GPC6: variants seen among roughly 807,000 people sequenced by gnomAD.
GPC6 encodes glypican-6.
GPC6 carries 14 observed loss-of-function variants against 55.2 expected under a neutral mutation model. That is an observed-to-expected ratio of 0.25 (90% CI 0.17 to 0.40). GPC6 has a LOEUF of 0.40. GPC6 is among the 10% of genes least tolerant of loss of function. GPC6 has a pLI of 1.00. For synonymous variants in GPC6, 278 were observed against 259.6 expected (o/e 1.07, Z -0.68); for missense variants, 641 against 708.5 (o/e 0.90, Z 1.08).
chr13:93,845,195 A>C (rs568578939), intron 3 of GPC6, among the ~76,000 whole-genome samples: 58 of 152,116 alleles, frequency 3.8e-4, no homozygotes, highest in African/African-American at 1.3e-3. Flanking sequence ...CACTTCTCAA[A>C]AGAAGACATT....
rs527826007 is a variant in GPC6, at chr13:94,077,244, G to A, written c.877+49350G>A. ...AGTATTTTATTTTTTTGATGCTATTGTTAATGGGATTACTTCTTAATGTTT... is the reference window on the plus strand; with the variant it reads ...AGTATTTTATTTTTTTGATGCTATTATTAATGGGATTACTTCTTAATGTTT... On this transcript the variant is annotated intron_variant, in intron 4 of 8. Transcript: ENST00000377047. Among the ~76,000 whole-genome samples the A allele has an allele frequency of 6.6e-5, 10 of 151,634 alleles. No individual in the cohort carries two copies. In the South Asian group the frequency reaches 1.9e-3, roughly 28 times the overall value.
intron 1 of GPC6, among the ~76,000 whole-genome samples, chr13:93,422,496 C>T (rs1330018211): frequency 1.3e-5 from 2 of 152,182 alleles, no homozygotes; most frequent in Admixed American, 6.6e-5. Context: ...ATTTTAAGAG[C>T]TAAAATAATA....
At chr13:94,149,844 G>A (rs749858640) in intron 4 of GPC6, among the ~76,000 whole-genome samples, 4 of 151,832 alleles carry the variant, frequency 2.6e-5, no homozygotes, top group Admixed American at 6.6e-5. Context: ...CACACACTTC[G>A]CACGTTCTAT....
intron 2 of GPC6, among the ~76,000 whole-genome samples, chr13:93,787,251 C>G (rs566505663): frequency 2.6e-5 from 4 of 152,312 alleles, no homozygotes; most frequent in African/African-American, 9.6e-5. Flanking sequence ...TTCCGTATGA[C>G]AGGGGTTGGC....
intron 4 of GPC6, among the ~76,000 whole-genome samples, chr13:94,108,998 T>G (rs548575262): frequency 6.6e-6 from 1 of 152,282 alleles, no homozygotes; most frequent in South Asian, 2.1e-4. Flanking sequence ...TCTGCCCGAG[T>G]TTTATTTTTC....
At chr13:93,910,275 C>A (rs933804570) in intron 3 of GPC6, among the ~76,000 whole-genome samples, 1 of 152,132 alleles carries the variant, frequency 6.6e-6, no homozygotes, top group Non-Finnish European at 1.5e-5. Flanking sequence ...TTTCCCTGCA[C>A]CAGCTATCTT....
intron 3 of GPC6, among the ~76,000 whole-genome samples, chr13:93,967,979 C>T (rs1054499038): frequency 6.6e-6 from 1 of 152,092 alleles, no homozygotes; most frequent in Non-Finnish European, 1.5e-5. Flanking sequence ...AATTAAATGT[C>T]ACCTTTTAAG....
intron 1 of GPC6, among the ~76,000 whole-genome samples, chr13:93,477,290 A>G (rs538896814): frequency 1.3e-5 from 2 of 152,322 alleles, no homozygotes; most frequent in African/African-American, 4.8e-5. Context: ...ATTTTTGTAA[A>G]TTCAAATTGT....
intron 1 of GPC6, among the ~76,000 whole-genome samples, chr13:93,539,894 T>A (rs895576573): frequency 6.6e-6 from 1 of 152,102 alleles, no homozygotes; most frequent in Non-Finnish European, 1.5e-5. Context: ...TTTCTCCATG[T>A]TGGTCAGGCT....
At chr13:93,330,045 A>G (rs1467408022) in intron 1 of GPC6, among the ~76,000 whole-genome samples, 1 of 152,230 alleles carries the variant, frequency 6.6e-6, no homozygotes, top group Non-Finnish European at 1.5e-5. Context: ...AATAAAGACC[A>G]AAGTCAGCAT....
rs544583987 is a variant in GPC6 at position 93,679,280 on chromosome 13, C to T, written c.319+133859C>T. Among the ~76,000 whole-genome samples the T allele has an allele frequency of 2.4e-4, 37 of 151,956 alleles. No individual in the cohort carries two copies. In the South Asian group the frequency reaches 7.5e-3, roughly 31 times the overall value. On this transcript the variant is annotated intron_variant, in intron 2 of 8. Transcript: ENST00000377047. ...GCAATTTGACCTAGTGGCCTGTGGA[C>T]CAATAATGGGAAATTCAGAAGTTTA...
chr13:93,793,973 A>G (rs1345290103), intron 2 of GPC6, among the ~76,000 whole-genome samples: 1 of 152,148 alleles, frequency 6.6e-6, no homozygotes, highest in Non-Finnish European at 1.5e-5. Flanking sequence ...TCTCTATTAA[A>G]CATTTTCCAT....
chr13:93,401,474 G>T (rs555628337), intron 1 of GPC6, among the ~76,000 whole-genome samples: 1 of 151,824 alleles, frequency 6.6e-6, no homozygotes, highest in South Asian at 2.1e-4. Flanking sequence ...TTTTCTAAAA[G>T]AGAATTATTG....
chr13:93,259,975 C>T (rs1162265308), intron 1 of GPC6, among the ~76,000 whole-genome samples: 3 of 151,972 alleles, frequency 2.0e-5, no homozygotes, highest in African/African-American at 7.2e-5. Flanking sequence ...TCCAGATTTA[C>T]TTACTTAATA....
chr13:93,437,799 A>G (rs1367917265), intron 1 of GPC6, among the ~76,000 whole-genome samples: 1 of 152,204 alleles, frequency 6.6e-6, no homozygotes, highest in Non-Finnish European at 1.5e-5. Flanking sequence ...ACACTAAACA[A>G]CAGATTTTCA....
intron 3 of GPC6, among the ~76,000 whole-genome samples, chr13:93,994,688 A>C (rs562832526): frequency 1.3e-5 from 2 of 152,208 alleles, no homozygotes; most frequent in East Asian, 3.9e-4. Flanking sequence ...AGTGTTCTCT[A>C]TTGCTTGTCT....
At chr13:93,451,688 C>G (rs1328483305) in intron 1 of GPC6, among the ~76,000 whole-genome samples, 2 of 152,128 alleles carry the variant, frequency 1.3e-5, no homozygotes, top group Admixed American at 1.3e-4. Context: ...GTTTTCCAAT[C>G]CTTACTAAAT....
intron 1 of GPC6, among the ~76,000 whole-genome samples, chr13:93,347,958 G>T (rs546825921): frequency 2.7e-4 from 41 of 152,244 alleles, no homozygotes; most frequent in African/African-American, 6.7e-4. Flanking sequence ...TTTGCAGGAT[G>T]CACAATGCCT....
At chr13:93,637,094 G>A (rs1056148328) in intron 2 of GPC6, among the ~76,000 whole-genome samples, 1 of 152,098 alleles carries the variant, frequency 6.6e-6, no homozygotes, top group African/African-American at 2.4e-5. Context: ...ATTTGGAGGG[G>A]ATGGGGGCAT....
Sources: allele counts gnomAD v4.1 joint callset (sites outside exome capture counted in the v4.1 genomes callset), GRCh38; gene constraint gnomAD v4.1.1; transcripts MANE v1.5; gene names NCBI Gene and HGNC (gene_info 2026-07-23, HGNC 2026-07-21).